Variants in AFDN observed in about 807,000 individuals in gnomAD.
AFDN encodes afadin.
A neutral mutation model predicts 216.6 loss-of-function variants in AFDN; 68 were observed. The ratio of observed to expected loss-of-function variants is 0.31; its 90% CI spans 0.26 to 0.38. The LOEUF is 0.38. Ranked by LOEUF, AFDN falls within the 10% of genes least tolerant of loss-of-function variation. The pLI is 1.00. For missense variants in AFDN, 2,136 were observed against 2,342.0 expected, an observed-to-expected ratio of 0.91 and a Z score of 1.82; for synonymous variants, 868 against 853.7, an observed-to-expected ratio of 1.02 and a Z score of -0.29.
intron 1 of AFDN, among the ~76,000 whole-genome samples, chr6:167,845,538 C>G (rs1469337220): frequency 6.6e-6 from 1 of 152,092 alleles, no homozygotes. Context: ...GCTGGGATTA[C>G]AGGCAGATGG....
intron 23 of AFDN, among the ~76,000 whole-genome samples, chr6:167,938,449 A>T (rs1161560224): frequency 6.6e-6 from 1 of 152,206 alleles, no homozygotes; most frequent in African/African-American, 2.4e-5. Context: ...AGACCAGAAG[A>T]TCAGTCATGA....
intron 11 of AFDN, among the ~76,000 whole-genome samples, chr6:167,901,241 G>T (rs1788905732): frequency 6.6e-6 from 1 of 152,024 alleles, no homozygotes; most frequent in South Asian, 2.1e-4. Flanking sequence ...ATTATGTTTT[G>T]CAGAAATCCA....
chr6:167,838,733 C>T lies in AFDN; in HGVS notation c.105+11496C>T, dbSNP rs145780655. 5.9e-3 allele frequency among the ~76,000 whole-genome samples: 894 copies of T among 152,280 alleles called. 18 individuals carry two copies. The highest frequency in any genetic ancestry group is 0.021 in the African/African-American group (862 of 41,558). On this transcript the variant is annotated intron_variant, in intron 1 of 33. Transcript: ENST00000683244. ...TCTCTGGTGATGAGCCTTTGTTTTT[C>T]CTTCTTGTAAGAAACAGTGAAGCTT...
intron 1 of AFDN, among the ~76,000 whole-genome samples, chr6:167,852,534 G>C (rs1782438214): frequency 1.3e-5 from 2 of 152,146 alleles, no homozygotes; most frequent in Admixed American, 1.3e-4. Context: ...GACAGCCCCT[G>C]TACTGTCAAG....
intron 19 of AFDN, among the ~76,000 whole-genome samples, chr6:167,916,018 C>T (rs549245097): frequency 5.9e-5 from 9 of 152,336 alleles, no homozygotes; most frequent in African/African-American, 2.2e-4. Context: ...AACTGAGTGG[C>T]TTAACAGTTG....
intron 1 of AFDN, among the ~76,000 whole-genome samples, chr6:167,837,402 C>G (rs938614370): frequency 5.2e-5 from 7 of 135,498 alleles, no homozygotes; most frequent in Non-Finnish European, 9.6e-5. Flanking sequence ...TTTTTTTTAA[C>G]ATTTTATTTT....
chr6:167,966,262 A>G (rs1797552504), intron 32 of AFDN: 2 of 1,522,202 alleles, frequency 1.3e-6, no homozygotes, highest in Non-Finnish European at 1.8e-6. Context: ...CATCCCAGCC[A>G]CTGCAAAGGT....
At chr6:167,925,137 C>T in intron 23 of AFDN, 46 bp downstream of exon 23, 1 of 1,365,726 alleles carries the variant, frequency 7.3e-7, no homozygotes, top group Non-Finnish European at 1.0e-6. Flanking sequence ...AGTCTTTCGG[C>T]ATTGAATCAG....
chr6:167,880,840 T>C (rs1035178454), intron 6 of AFDN, among the ~76,000 whole-genome samples: 7 of 152,252 alleles, frequency 4.6e-5, no homozygotes, highest in Non-Finnish European at 1.0e-4. Context: ...TCTATCTTTT[T>C]ACCAATACCA....
At chr6:167,835,184 G>A (rs775063336) in intron 1 of AFDN, among the ~76,000 whole-genome samples, 7 of 152,168 alleles carry the variant, frequency 4.6e-5, no homozygotes, top group Non-Finnish European at 8.8e-5. Flanking sequence ...CAGAAAAATT[G>A]TAAGTATAGG....
rs1795584220 is a variant in AFDN at position 167,948,400 on chromosome 6, T to G, written c.3753T>G (p.Pro1251=). ...CCAAATCCCAGGATCGGATGGCTCC[T>G]CCTCAGAACCAGTGGCCAAATTATG... ...PASKSQDRMA[P]PQNQWPNYEE... is the part of the protein sequence containing the mutation. The change falls in exon 29 of 34, where the codon CCT becomes CCG. Residue 1251 remains proline, a synonymous_variant. Coordinates refer to ENST00000683244, the MANE Select transcript of AFDN (RefSeq NM_001386888.1). 2 of 1,614,154 alleles carry G rather than the reference T, an allele frequency of 1.2e-6. No individual in the cohort carries two copies. Among genetic ancestry groups the G allele is most frequent in the African/African-American group, 2.7e-5 (2 of 75,010 alleles).
In AFDN at chr6:167,890,978, G is replaced by A. The variant is rs1206131959; in HGVS notation, c.1126G>A (p.Gly376Ser). 1.9e-6 allele frequency: 3 copies of A among 1,613,926 alleles called. No homozygotes were observed. Among genetic ancestry groups the A allele is most frequent in the Non-Finnish European group, 2.5e-6 (3 of 1,179,958 alleles). The change falls in exon 8 of 34, where the codon GGC becomes AGC. Residue 376 changes from glycine (G) to serine (S), a missense_variant. By Grantham distance (56) the Gly-to-Ser change is moderately conservative. Around this residue, in one of 8 missense-constraint regions of AFDN, gnomAD observed 817 missense variants for 965.7 expected, o/e 0.85. Coordinates refer to ENST00000683244, the MANE Select transcript of AFDN (RefSeq NM_001386888.1). ...GGAGAGAGCTGACGGGTCTGGCTAT[G>A]GCTCCACCCTTCCTCCGGAGAAGCT... ...GKERADGSGYGSTLPPEKLPY... is the reference protein window; with the variant it reads ...GKERADGSGYSSTLPPEKLPY...
chr6:167,911,220 C>G, intron 14 of AFDN, 58 bp downstream of exon 14: 1 of 1,600,660 alleles, frequency 6.2e-7, no homozygotes, highest in Non-Finnish European at 8.5e-7. Flanking sequence ...TTTACTCCAT[C>G]TGATTTTCAC....
At chr6:167,864,884 G>C (rs776690832) in intron 2 of AFDN, 138 bp downstream of exon 2, 6 of 905,804 alleles carry the variant, frequency 6.6e-6, no homozygotes, top group South Asian at 6.5e-5. Flanking sequence ...GAGAGTAGCT[G>C]GCAGGCTGAG....
intron 12 of AFDN, among the ~76,000 whole-genome samples, chr6:167,902,936 T>G (rs1789174655): frequency 6.6e-6 from 1 of 152,220 alleles, no homozygotes. Context: ...TACCAGATCT[T>G]TCTTTTCTCT....
At chr6:167,968,210 G>A (rs539082231) in intron 32 of AFDN, among the ~76,000 whole-genome samples, 27 of 152,266 alleles carry the variant, frequency 1.8e-4, no homozygotes, top group East Asian at 5.8e-4. Context: ...GTCTCCATGC[G>A]GTAATTTATC....
At position 167,964,614 on chromosome 6, in the gene AFDN, CTGTGTGTGTGTGTGTGTGTG is replaced by C. The variant is rs369928994; in HGVS notation, c.4969-1115_4969-1096del. The C allele has an allele frequency of 1.8e-4, 171 of 960,178 alleles. No homozygotes were observed. The East Asian group carries it at 3.4e-3, about 19-fold the overall frequency. The allele number at this position is 960,178 out of a possible 1,614,324, so 59.5% of individuals were successfully genotyped here. Reference sequence around the variant, plus strand: ...GAAGGAGTGACATTGCGTATTCACTCTGTGTGTGTGTGTGTGTGTGTGTGTGTGTGTGTGTGTGTGTGTGT... The same window carrying C: ...GAAGGAGTGACATTGCGTATTCACTCTGTGTGTGTGTGTGTGTGTGTGTGT... On this transcript the variant is annotated intron_variant, in intron 31 of 33. Transcript: ENST00000683244.
rs1787277555 is a variant in AFDN at position 167,889,358 on chromosome 6, A to G, written c.1009+32A>G. ...ACCTTATTAAAGGATTACTTACACC[A>G]GATTCCTATGTGATATACCAGGTGT... On this transcript the variant is annotated intron_variant, in intron 7 of 33. Coordinates refer to ENST00000683244, the MANE Select transcript of AFDN (RefSeq NM_001386888.1). 7.0e-6 allele frequency: 10 copies of G among 1,438,380 alleles called. No individual in the cohort carries two copies. The East Asian group carries it at 2.3e-4, about 33-fold the overall frequency. The allele number at this position is 1,438,380 out of a possible 1,614,324, so 89.1% of individuals were successfully genotyped here.
intron 12 of AFDN, among the ~76,000 whole-genome samples, chr6:167,904,597 G>C (rs146573182): frequency 2.2e-4 from 33 of 152,296 alleles, no homozygotes; most frequent in Non-Finnish European, 1.5e-5. Context: ...AAGAAGACTA[G>C]ATTTTCTTTC....
Sources: gnomAD v4.1 joint callset for allele counts (sites outside exome capture counted in the v4.1 genomes callset) on GRCh38, gnomAD v4.1.1 for gene constraint, gnomAD v4.1.1 regional missense constraint, MANE v1.5 for transcripts, NCBI Gene and HGNC (gene_info 2026-07-23, HGNC 2026-07-21) for gene names.